PCF11: variants seen among roughly 807,000 people sequenced by gnomAD.
PCF11 encodes the protein PCF11 cleavage and polyadenylation factor subunit.
Under a neutral mutation model 166.1 loss-of-function variants are expected in PCF11, and 19 were observed. The ratio of observed to expected loss-of-function variants is 0.11; its 90% confidence interval spans 0.08 to 0.17. PCF11 has a LOEUF of 0.17. Ranked by LOEUF, PCF11 falls within the 10% of genes least tolerant of loss-of-function variation. The probability of loss-of-function intolerance (pLI) is 1.00; values close to 1 mark genes in which losing one functional copy is unlikely to be tolerated. For missense variants in PCF11, 1,565 were observed against 1,855.5 expected, an observed-to-expected ratio of 0.84 and a Z score of 2.88; for synonymous variants, 663 against 644.1, an observed-to-expected ratio of 1.03 and a Z score of -0.44.
At chr11:83,186,909 G>GT (rs1680374027) in exon 16 of PCF11, 1 of 152,216 alleles carries the variant, frequency 6.6e-6, no homozygotes, top group Non-Finnish European at 1.5e-5. Context: ...TAAAAGGAAG[G>GT]TGATATTCAA....
At chr11:83,161,112 G>T (rs557558477) in intron 1 of PCF11, among the ~76,000 whole-genome samples, 3 of 151,630 alleles carry the variant, frequency 2.0e-5, no homozygotes, top group Non-Finnish European at 4.4e-5. Context: ...GATTACAGCT[G>T]TTGTTCATCC....
chr11:83,157,659 T>A (rs752849032), intron 1 of PCF11, 28 bp downstream of exon 1: 15 of 1,580,906 alleles, frequency 9.5e-6, no homozygotes, highest in Non-Finnish European at 1.3e-5. Flanking sequence ...AGCCTCCTAT[T>A]ACTTCTAATA....
intron 9 of PCF11, among the ~76,000 whole-genome samples, chr11:83,172,549 A>C (rs1223838912): frequency 6.6e-6 from 1 of 152,048 alleles, no homozygotes; most frequent in Non-Finnish European, 1.5e-5. Flanking sequence ...CAGCCTCCCA[A>C]GTAGCTGGGA....
exon 8 of PCF11, chr11:83,168,759 G>A: frequency 6.2e-7 from 1 of 1,613,778 alleles, no homozygotes; most frequent in South Asian, 1.1e-5. Flanking sequence ...GATTTGAGGG[G>A]CCACAAGGTC....
rs189029464 is a variant in PCF11 at position 83,165,710 on chromosome 11, G to C, written c.813G>C (p.Gln271His). The C allele has an allele frequency of 1.6e-4, 253 of 1,613,766 alleles. 1 individual carries two copies. In the African/African-American group the frequency reaches 3.1e-3, roughly 20 times the overall value. Residue 271 changes from glutamine to histidine, a missense_variant, in exon 5 of 16, where the codon CAG (glutamine) becomes CAC (histidine). Gln to His is a conservative substitution (Grantham distance 24). Around this residue, in one of 12 missense-constraint regions of PCF11, gnomAD observed 468 missense variants for 483.4 expected, o/e 0.97. Coordinates refer to ENST00000298281, the Ensembl canonical transcript of PCF11. ...CTATGGCAGTTAAAGCTCCTCATCA[G>C]GTTCCTGTGCAATCTGAGAAAAGCC...
chr11:83,168,952 G>A (rs768004681), exon 8 of PCF11: 1 of 1,613,762 alleles, frequency 6.2e-7, no homozygotes, highest in Non-Finnish European at 8.5e-7. Flanking sequence ...AGGCCAGCCT[G>A]TGGGTGGTCT....
At position 83,167,571 on chromosome 11, in the gene PCF11, C is replaced by T. The variant is rs894458066; in HGVS notation, c.2092+66C>T. 2.6e-6 allele frequency: 4 copies of T among 1,560,274 alleles called. No individual in the cohort carries two copies. In the African/African-American group the frequency reaches 5.4e-5, roughly 21 times the overall value. ...AAATAAAGGTGGATTAAAAAAGAAA[C>T]CTCTCTTATCTGATGCTGAATTAAC... is the stretch of plus-strand genomic sequence containing the variant. On this transcript the variant is annotated intron_variant, in intron 7 of 15. Coordinates refer to ENST00000298281, the Ensembl canonical transcript of PCF11. This position sits in a 1 kb window ranked among gnomAD's most constrained non-coding sequence, Gnocchi z 4.2.
At chr11:83,160,321 G>GT (rs35201107) in intron 1 of PCF11, among the ~76,000 whole-genome samples, 54,123 of 91,354 alleles carry the variant, frequency 0.59, 16,839 homozygotes, top group Non-Finnish European at 0.7. Context: ...GATAACCTAA[G>GT]TTTTTTTTTT....
chr11:83,169,059 A>C (rs1348409002), exon 8 of PCF11: 2 of 1,613,428 alleles, frequency 1.2e-6, no homozygotes, highest in Admixed American at 3.3e-5. Flanking sequence ...ATAATCCCCG[A>C]GGTCAGCCTG....
intron 9 of PCF11, 60 bp from the exon 10 acceptor site, chr11:83,177,025 C>T (rs938420271): frequency 2.0e-5 from 25 of 1,270,494 alleles, no homozygotes; most frequent in Middle Eastern, 2.3e-4. Context: ...TAATTTGCAT[C>T]TTTAAGTTCT....
intron 8 of PCF11, among the ~76,000 whole-genome samples, chr11:83,170,319 A>G (rs1339216315): frequency 6.6e-6 from 1 of 152,092 alleles, no homozygotes. Flanking sequence ...AGACCTCTAC[A>G]TTGCAGAACT....
At chr11:83,165,848 T>C (rs1385459154) in exon 5 of PCF11, 1 of 1,608,242 alleles carries the variant, frequency 6.2e-7, no homozygotes, top group South Asian at 1.1e-5. Flanking sequence ...GGAAAGAATT[T>C]CTAATGAACA....
intron 10 of PCF11, 112 bp downstream of exon 10, chr11:83,177,316 C>G (rs1860922208): frequency 1.3e-6 from 1 of 781,740 alleles, no homozygotes; most frequent in Non-Finnish European, 1.9e-6. Flanking sequence ...AATTGAATTC[C>G]TAGGTATAGC....
At chr11:83,172,875 CTGAAGTA>C (rs1308580749) in intron 9 of PCF11, among the ~76,000 whole-genome samples, 3 of 152,120 alleles carry the variant, frequency 2.0e-5, no homozygotes, top group Non-Finnish European at 4.4e-5. Flanking sequence ...TCCAAAACTT[CTGAAGTA>C]ATTAGGAAAT....
At chr11:83,165,380 A>C (rs1860407799) in intron 4 of PCF11, among the ~76,000 whole-genome samples, 1 of 152,214 alleles carries the variant, frequency 6.6e-6, no homozygotes, top group Non-Finnish European at 1.5e-5. Context: ...ATTATATTAT[A>C]AAGTCTCAAA....
At chr11:83,168,292 A>G in intron 7 of PCF11, 136 bp from the exon 8 acceptor site, 1 of 808,124 alleles carries the variant, frequency 1.2e-6, no homozygotes, top group Non-Finnish European at 1.9e-6. Context: ...GCATCCTCTT[A>G]TCTGCTGCTT....
At chr11:83,169,471 C>T (rs753644871) in exon 8 of PCF11, 5 of 1,613,562 alleles carry the variant, frequency 3.1e-6, no homozygotes, top group Non-Finnish European at 4.2e-6. Context: ...GCCAGGTCAG[C>T]CGTCACTCTT....
chr11:83,164,828 A>G (rs903758232), intron 4 of PCF11, among the ~76,000 whole-genome samples: 1 of 152,136 alleles, frequency 6.6e-6, no homozygotes, highest in Admixed American at 6.5e-5. Context: ...GCTTCACTGC[A>G]CTCTAGCTTG....
At chr11:83,157,459 C>G in exon 1 of PCF11, 1 of 1,611,156 alleles carries the variant, frequency 6.2e-7, no homozygotes, top group Non-Finnish European at 8.5e-7. Context: ...CAGACGCCGG[C>G]CGAGGCCGGT....
Sources: allele counts gnomAD v4.1 joint callset (sites outside exome capture counted in the v4.1 genomes callset), GRCh38; gene constraint gnomAD v4.1.1; regional missense constraint gnomAD v4.1.1; non-coding constraint Gnocchi (gnomAD v3.1); transcripts MANE v1.5; gene names NCBI Gene and HGNC (gene_info 2026-07-23, HGNC 2026-07-21).